The following PACRG variants were observed in gnomAD, a reference collection of about 807,000 sequenced individuals.
PACRG encodes parkin coregulated, also known as parkin coregulated gene protein.
Under a neutral mutation model 29.7 loss-of-function variants are expected in PACRG, and 29 were observed. The ratio of observed to expected loss-of-function variants is 0.98; its 90% confidence interval spans 0.73 to 1.33. PACRG has a LOEUF of 1.33. Ranked by LOEUF, PACRG falls within the 40% of genes most tolerant of loss-of-function variation. The probability of loss-of-function intolerance (pLI) is 0.00; values close to 1 mark genes in which losing one functional copy is unlikely to be tolerated. For missense variants in PACRG, 279 were observed against 316.2 expected (o/e 0.88, Z 0.89); for synonymous variants, 116 against 118.7 (o/e 0.98, Z 0.15).
At chr6:162,891,124 A>G (rs1794724342) in intron 2 of PACRG, among the ~76,000 whole-genome samples, 1 of 152,158 alleles carries the variant, frequency 6.6e-6, no homozygotes, top group African/African-American at 2.4e-5. Flanking sequence ...AGAGCCCGGC[A>G]AGCCTTGCTT....
chr6:163,299,197 G>A (rs1262755046), intron 4 of PACRG, among the ~76,000 whole-genome samples: 1 of 152,200 alleles, frequency 6.6e-6, no homozygotes, highest in Non-Finnish European at 1.5e-5. Flanking sequence ...CATATTAGAA[G>A]CTGGTTCCTG....
intron 3 of PACRG, among the ~76,000 whole-genome samples, chr6:163,082,146 T>G (rs1813142873): frequency 1.3e-5 from 2 of 152,140 alleles, no homozygotes; most frequent in South Asian, 4.1e-4. Context: ...TTAAATAATT[T>G]TACACAAATA....
chr6:163,212,600 G>A (rs1241356615), intron 4 of PACRG, among the ~76,000 whole-genome samples: 2 of 152,116 alleles, frequency 1.3e-5, no homozygotes, highest in Admixed American at 6.5e-5. Context: ...ATAAATGATA[G>A]TAAAATGGGC....
At chr6:162,753,295 C>T (rs951072715) in intron 1 of PACRG, among the ~76,000 whole-genome samples, 5 of 144,138 alleles carry the variant, frequency 3.5e-5, no homozygotes, top group Admixed American at 2.1e-4. Flanking sequence ...AGCCATGATA[C>T]TTCCTACTTC....
chr6:162,976,060 C>T (rs1801932414), intron 2 of PACRG, among the ~76,000 whole-genome samples: 1 of 152,092 alleles, frequency 6.6e-6, no homozygotes, highest in South Asian at 2.1e-4. Context: ...TTAGCAAAAA[C>T]AAACAAACAC....
chr6:162,796,687 C>T (rs570987000), intron 1 of PACRG, among the ~76,000 whole-genome samples: 30 of 151,838 alleles, frequency 2.0e-4, no homozygotes, highest in Non-Finnish European at 3.4e-4. Context: ...TCCTTTGCCT[C>T]CCAATGATAA....
chr6:163,140,088 T>C (rs1305281911), intron 4 of PACRG, among the ~76,000 whole-genome samples: 1 of 152,196 alleles, frequency 6.6e-6, no homozygotes, highest in Non-Finnish European at 1.5e-5. Context: ...CTCTCCATGA[T>C]GCTGCCTCGC....
intron 4 of PACRG, among the ~76,000 whole-genome samples, chr6:163,219,863 C>T (rs1218694177): frequency 2.0e-5 from 3 of 152,196 alleles, no homozygotes; most frequent in Admixed American, 2.0e-4. Context: ...CCCCGGTCTC[C>T]ATGGGGTGCT....
chr6:163,164,895 T>C (rs1167270661), intron 4 of PACRG, among the ~76,000 whole-genome samples: 5 of 152,200 alleles, frequency 3.3e-5, no homozygotes, highest in African/African-American at 1.2e-4. Flanking sequence ...GGTGATTTGG[T>C]AAAGTCATGC....
intron 4 of PACRG, among the ~76,000 whole-genome samples, chr6:163,285,154 C>T (rs1396891806): frequency 6.6e-6 from 1 of 152,072 alleles, no homozygotes; most frequent in Non-Finnish European, 1.5e-5. Flanking sequence ...CTCCTGCCTG[C>T]TTGTCCAGCC....
chr6:163,007,454 G>T (rs1360504996), intron 2 of PACRG, among the ~76,000 whole-genome samples: 1 of 151,994 alleles, frequency 6.6e-6, no homozygotes, highest in East Asian at 1.9e-4. Context: ...GTGCAGATTG[G>T]CTGGTTATAA....
intron 4 of PACRG, among the ~76,000 whole-genome samples, chr6:163,286,924 A>G (rs143171363): frequency 6.6e-6 from 1 of 152,228 alleles, no homozygotes; most frequent in Non-Finnish European, 1.5e-5. Flanking sequence ...GTATATGGAT[A>G]TGTATGTGAC....
chr6:163,245,053 T>A (rs1332644360), intron 4 of PACRG: 1 of 455,688 alleles, frequency 2.2e-6, no homozygotes, highest in East Asian at 6.9e-5. Context: ...AAGTCTAATC[T>A]TCATTTTAAG....
intron 1 of PACRG, among the ~76,000 whole-genome samples, chr6:162,799,864 C>T (rs1380054151): frequency 6.6e-6 from 1 of 152,112 alleles, no homozygotes; most frequent in Non-Finnish European, 1.5e-5. Flanking sequence ...AGAAATAACT[C>T]TTGCAAGACA....
At chr6:163,062,129 C>T in intron 2 of PACRG, 21 bp from the exon 3 acceptor site, 2 of 1,612,110 alleles carry the variant, frequency 1.2e-6, no homozygotes, top group African/African-American at 1.3e-5. Flanking sequence ...CACATGGCGT[C>T]TCTTCTTTCT....
intron 3 of PACRG, among the ~76,000 whole-genome samples, chr6:163,083,869 T>A (rs1482852824): frequency 6.6e-6 from 1 of 152,140 alleles, no homozygotes; most frequent in Non-Finnish European, 1.5e-5. Flanking sequence ...ACCACAATAG[T>A]GAATGACATC....
At chr6:162,958,895 AG>A (rs1800359087) in intron 2 of PACRG, among the ~76,000 whole-genome samples, 1 of 27,240 alleles carries the variant, frequency 3.7e-5, no homozygotes, top group Admixed American at 3.8e-4. Flanking sequence ...AGAGAGAGAG[AG>A]AGAGAGAGAG....
At chr6:162,962,962 T>C (rs1800751019) in intron 2 of PACRG, among the ~76,000 whole-genome samples, 2 of 152,184 alleles carry the variant, frequency 1.3e-5, no homozygotes, top group African/African-American at 2.4e-5. Flanking sequence ...GGGACTTTGA[T>C]TAGAAGACCT....
At chr6:162,727,478 T>C (rs1382526669), upstream of PACRG, among the ~76,000 whole-genome samples, 2 of 147,916 alleles carry the variant, frequency 1.4e-5, no homozygotes, top group African/African-American at 4.9e-5. Flanking sequence ...ACGCACACAC[T>C]GGGGCCCCGG....
Sources: gnomAD v4.1 joint callset for allele counts (sites outside exome capture counted in the v4.1 genomes callset) on GRCh38, gnomAD v4.1.1 for gene constraint, MANE v1.5 for transcripts, NCBI Gene and HGNC (gene_info 2026-07-23, HGNC 2026-07-21) for gene names.